The following UPP2 variants were observed in gnomAD, a reference collection of about 807,000 sequenced individuals.
The protein encoded by UPP2 is UPase 2.
In UPP2, 23 loss-of-function variants were observed where a neutral mutation model predicts 26.7. That is an observed-to-expected ratio of 0.86 (90% CI 0.62 to 1.22). UPP2 has a LOEUF of 1.22. Ranked by LOEUF, UPP2 falls within the 50% of genes most tolerant of loss-of-function variation. The probability of loss-of-function intolerance (pLI) is 0.00; values close to 1 mark genes in which losing one functional copy is unlikely to be tolerated. For missense variants in UPP2, 387 were observed against 396.7 expected, an observed-to-expected ratio of 0.98 and a Z score of 0.21; for synonymous variants, 127 against 141.3, an observed-to-expected ratio of 0.90 and a Z score of 0.72.
intron 3 of UPP2, among the ~76,000 whole-genome samples, chr2:158,042,800 G>C (rs1384989277): frequency 6.6e-6 from 1 of 152,158 alleles, no homozygotes; most frequent in African/African-American, 2.4e-5. Context: ...GGAGAGGCCG[G>C]CGAGGATGCT....
chr2:158,089,026 G>T (rs1317097697), intron 3 of UPP2, among the ~76,000 whole-genome samples: 1 of 151,962 alleles, frequency 6.6e-6, no homozygotes, highest in East Asian at 1.9e-4. Flanking sequence ...ATCAGGGAGT[G>T]GGCAGGGCCA....
intron 3 of UPP2, among the ~76,000 whole-genome samples, chr2:158,115,610 A>C (rs1272858898): frequency 6.6e-6 from 1 of 152,158 alleles, no homozygotes; most frequent in Non-Finnish European, 1.5e-5. Context: ...TAGTACACAG[A>C]GGCTAATTTT....
rs868524478 is a variant in UPP2, at chr2:158,134,611, G to T, written c.812-137G>T. 4 of 1,020,110 alleles carry T rather than the reference G, an allele frequency of 3.9e-6. 1 individual carries two copies. In the Middle Eastern group the frequency reaches 9.1e-4, roughly 232 times the overall value. The allele number at this position is 1,020,110 out of a possible 1,614,324, so 63.2% of individuals were successfully genotyped here. A position where few individuals can be genotyped will look rare whatever the true frequency, so the allele number is the denominator to read the frequency against. Reference sequence around the variant, plus strand: ...ATATTGAAGACCAGAAGGTTCAGTAGGTTGCATCTACATTACAACAACAAC... The same window carrying T: ...ATATTGAAGACCAGAAGGTTCAGTATGTTGCATCTACATTACAACAACAAC... On this transcript the variant is annotated intron_variant, in intron 6 of 6. Coordinates refer to ENST00000005756, the MANE Select transcript of UPP2 (RefSeq NM_173355.4).
chr2:158,027,170 C>T (rs1683846390), intron 3 of UPP2, among the ~76,000 whole-genome samples: 1 of 152,158 alleles, frequency 6.6e-6, no homozygotes, highest in African/African-American at 2.4e-5. Context: ...AAAGTCTTAA[C>T]TCATTTCAGC....
At chr2:158,044,814 A>G (rs1404831641) in intron 3 of UPP2, among the ~76,000 whole-genome samples, 1 of 152,196 alleles carries the variant, frequency 6.6e-6, no homozygotes, top group African/African-American at 2.4e-5. Flanking sequence ...AAACGGCTCT[A>G]GTAAGATGTT....
intron 3 of UPP2, among the ~76,000 whole-genome samples, chr2:158,089,299 C>A (rs1682869259): frequency 1.3e-5 from 2 of 152,176 alleles, no homozygotes; most frequent in Non-Finnish European, 1.5e-5. Context: ...GGCTTCTCTG[C>A]AGCCTGAATG....
intron 3 of UPP2, among the ~76,000 whole-genome samples, chr2:158,027,476 C>G (rs545906863): frequency 6.6e-6 from 1 of 152,288 alleles, no homozygotes; most frequent in African/African-American, 2.4e-5. Flanking sequence ...TTTCTATGAT[C>G]CTGGGCAGCT....
chr2:158,095,126 T>C (rs1682966036), intron 3 of UPP2, among the ~76,000 whole-genome samples: 1 of 152,018 alleles, frequency 6.6e-6, no homozygotes, highest in African/African-American at 2.4e-5. Flanking sequence ...GGGTGGTGAG[T>C]TGGGCCCTGC....
At chr2:158,064,267 GA>G (rs1485962291) in intron 3 of UPP2, among the ~76,000 whole-genome samples, 1 of 152,156 alleles carries the variant, frequency 6.6e-6, no homozygotes, top group Non-Finnish European at 1.5e-5. Context: ...GTTGTTTCCT[GA>G]CTTTTTAATG....
intron 6 of UPP2, among the ~76,000 whole-genome samples, chr2:158,132,837 T>C (rs1368709930): frequency 6.6e-6 from 1 of 152,168 alleles, no homozygotes; most frequent in African/African-American, 2.4e-5. Flanking sequence ...GCTTCACACC[T>C]GCTAGAATGG....
intron 3 of UPP2, among the ~76,000 whole-genome samples, chr2:158,075,748 A>C (rs994740343): frequency 2.6e-5 from 4 of 152,060 alleles, no homozygotes; most frequent in African/African-American, 9.6e-5. Context: ...GAAAATATTC[A>C]AATAAACAAC....
At chr2:158,128,491 C>CTTGTAT in intron 6 of UPP2, among the ~76,000 whole-genome samples, 1 of 152,142 alleles carries the variant, frequency 6.6e-6, no homozygotes, top group South Asian at 2.1e-4. Context: ...AATCTTTAGG[C>CTTGTAT]CAGGGTACAA....
At position 158,121,633 on chromosome 2, in the gene UPP2, TA is replaced by T; in HGVS notation, c.664+18del. ...TTTTTATGAAGGTGAGAACAATTTATAAACTGTGAAGGAAACAGAAAAATGC... is the reference window on the plus strand; with the variant it reads ...TTTTTATGAAGGTGAGAACAATTTATAACTGTGAAGGAAACAGAAAAATGC... On this transcript the variant is annotated intron_variant, in intron 5 of 6. Transcript: ENST00000005756. 3.7e-6 allele frequency: 6 copies of T among 1,603,828 alleles called. No homozygotes were observed. The highest frequency in any genetic ancestry group is 5.1e-6 in the Non-Finnish European group (6 of 1,170,858).
At chr2:158,050,778 C>A (rs573082837) in intron 3 of UPP2, among the ~76,000 whole-genome samples, 1 of 152,026 alleles carries the variant, frequency 6.6e-6, no homozygotes, top group Non-Finnish European at 1.5e-5. Context: ...GGGTGGAACT[C>A]GAAAGCAGAT....
chr2:158,032,748 G>A (rs759916262), intron 3 of UPP2, among the ~76,000 whole-genome samples: 1 of 152,156 alleles, frequency 6.6e-6, no homozygotes, highest in Non-Finnish European at 1.5e-5. Flanking sequence ...CACTACAAAG[G>A]CTGGATTCTG....
intron 3 of UPP2, among the ~76,000 whole-genome samples, chr2:158,036,821 C>T (rs1472191537): frequency 6.6e-6 from 1 of 152,110 alleles, no homozygotes. Flanking sequence ...TGAAAGGGGG[C>T]ACAGTCAAAA....
In UPP2 at chr2:158,023,690, G is replaced by A. The variant is rs1016051292; in HGVS notation, c.147+7804G>A. 5.9e-5 allele frequency among the ~76,000 whole-genome samples: 9 copies of A among 152,248 alleles called. No individual in the cohort carries two copies. The South Asian group carries it at 1.2e-3, about 21-fold the overall frequency. On this transcript the variant is annotated intron_variant, in intron 3 of 9. Transcript: ENST00000605860. ...GGTGGGGGTGATGGAGTAGCCAGCA[G>A]AGGTGCCTCTCCTTCTAACTGCCTT...
At position 158,121,403 on chromosome 2, in the gene UPP2, T is replaced by A. The variant is rs1228137098; in HGVS notation, c.455-6T>A. On this transcript the variant is annotated splice_region_variant and splice_polypyrimidine_tract_variant and intron_variant, in intron 4 of 6. Coordinates refer to ENST00000005756, the MANE Select transcript of UPP2 (RefSeq NM_173355.4). ...TCTTCTGTAATCATTTATTCCCACA[T>A]TGCAGGGATTGCACCAGGGACTGTT... is the stretch of plus-strand genomic sequence containing the variant. 6.2e-7 allele frequency: 1 copy of A among 1,609,016 alleles called. No homozygotes were observed. Among genetic ancestry groups the A allele is most frequent in the Non-Finnish European group, 8.5e-7 (1 of 1,175,198 alleles).
Position 158,135,020 on chromosome 2 carries a change from A to T in UPP2, c.*130A>T, listed in dbSNP as rs1683902987. The T allele has an allele frequency of 1.8e-6, 2 of 1,113,840 alleles. No homozygotes were observed. The highest frequency in any genetic ancestry group is 3.2e-5 in the African/African-American group (2 of 62,128). 69.0% of individuals were successfully genotyped at this position (1,113,840 alleles called of 1,614,324 possible). On this transcript the variant is annotated 3_prime_UTR_variant, in exon 7 of 7. Coordinates refer to ENST00000005756, the MANE Select transcript of UPP2 (RefSeq NM_173355.4). Reference sequence around the variant, plus strand: ...ATGCTAAATGGAAAGACTTTATGAAATCCTTCTCTCTTAAAAAGGAATTTA... The same window carrying T: ...ATGCTAAATGGAAAGACTTTATGAATTCCTTCTCTCTTAAAAAGGAATTTA...
Sources: gnomAD v4.1 joint callset for allele counts (sites outside exome capture counted in the v4.1 genomes callset) on GRCh38, gnomAD v4.1.1 for gene constraint, MANE v1.5 for transcripts, NCBI Gene and HGNC (gene_info 2026-07-23, HGNC 2026-07-21) for gene names.